FHIT: variants seen among roughly 807,000 people sequenced by gnomAD.
The protein encoded by FHIT is fragile histidine triad diadenosine triphosphatase, also known as bis(5'-adenosyl)-triphosphatase.
A neutral mutation model predicts 17.9 loss-of-function variants in FHIT; 19 were observed. The observed-to-expected ratio is 1.06, with a 90% CI of 0.74 to 1.56. The LOEUF is 1.56. Among genes scored for constraint, FHIT ranks in the 40% most tolerant of loss-of-function variants. FHIT has a pLI of 0.00. For missense variants in FHIT, 248 were observed against 189.2 expected, an observed-to-expected ratio of 1.31 and a Z score of -1.82; for synonymous variants, 81 against 69.7, an observed-to-expected ratio of 1.16 and a Z score of -0.81.
chr3:61,162,058 G>C (rs960522157), intron 2 of FHIT, among the ~76,000 whole-genome samples: 1 of 152,178 alleles, frequency 6.6e-6, no homozygotes, highest in African/African-American at 2.4e-5. Flanking sequence ...GTCAACGCTG[G>C]TTTAACATTT....
intron 2 of FHIT, among the ~76,000 whole-genome samples, chr3:61,183,962 A>G (rs1446533095): frequency 6.6e-6 from 1 of 151,956 alleles, no homozygotes; most frequent in African/African-American, 2.4e-5. Context: ...TCCATTTTGA[A>G]GCGCCCTCCA....
At chr3:60,758,835 T>C (rs943350762) in intron 4 of FHIT, among the ~76,000 whole-genome samples, 1 of 152,168 alleles carries the variant, frequency 6.6e-6, no homozygotes, top group African/African-American at 2.4e-5. Flanking sequence ...CTCAATGATA[T>C]CTTATGTGCT....
At chr3:60,702,860 T>C (rs1342605832) in intron 4 of FHIT, among the ~76,000 whole-genome samples, 1 of 152,204 alleles carries the variant, frequency 6.6e-6, no homozygotes, top group African/African-American at 2.4e-5. Flanking sequence ...TTTATAAATA[T>C]TCCTTATTGT....
intron 7 of FHIT, among the ~76,000 whole-genome samples, chr3:60,010,908 C>T (rs903337655): frequency 6.6e-6 from 1 of 151,768 alleles, no homozygotes; most frequent in African/African-American, 2.4e-5. Flanking sequence ...CACAGGAGAA[C>T]AGAAAGGAAG....
At chr3:60,245,341 C>A (rs1705337787) in intron 5 of FHIT, among the ~76,000 whole-genome samples, 1 of 151,964 alleles carries the variant, frequency 6.6e-6, no homozygotes, top group African/African-American at 2.4e-5. Flanking sequence ...TCAGAGGGCC[C>A]ATAGCATAAG....
intron 7 of FHIT, among the ~76,000 whole-genome samples, chr3:59,948,363 A>C (rs1326738287): frequency 7.2e-6 from 1 of 138,136 alleles, no homozygotes; most frequent in African/African-American, 2.8e-5. Context: ...AAAAAAAAAA[A>C]AAAATTAGCC....
chr3:60,845,097 G>A (rs1243428127), intron 3 of FHIT, among the ~76,000 whole-genome samples: 3 of 151,856 alleles, frequency 2.0e-5, no homozygotes, highest in African/African-American at 7.2e-5. Flanking sequence ...CTCCAAGCTT[G>A]GTTCTAACAA....
intron 4 of FHIT, among the ~76,000 whole-genome samples, chr3:60,565,555 G>T (rs944827684): frequency 6.6e-6 from 1 of 152,094 alleles, no homozygotes; most frequent in African/African-American, 2.4e-5. Context: ...AGGGAAATTA[G>T]TTACACAACA....
chr3:59,912,232 C>A (rs1282680852), intron 8 of FHIT, among the ~76,000 whole-genome samples: 2 of 152,192 alleles, frequency 1.3e-5, no homozygotes, highest in African/African-American at 2.4e-5. Flanking sequence ...TTGTTTCCAG[C>A]CTCTTTCAAG....
intron 5 of FHIT, among the ~76,000 whole-genome samples, chr3:60,253,161 C>G (rs1297315336): frequency 3.9e-5 from 6 of 152,252 alleles, no homozygotes; most frequent in Middle Eastern, 3.4e-3. Context: ...ATTCTACACT[C>G]CAGTGAGCAA....
intron 8 of FHIT, among the ~76,000 whole-genome samples, chr3:59,914,363 C>G (rs1050627389): frequency 1.8e-4 from 27 of 152,094 alleles, no homozygotes; most frequent in African/African-American, 6.0e-4. Flanking sequence ...AACACTCAAG[C>G]CGGGATTCTA....
chr3:60,621,951 T>C (rs1445082444), intron 4 of FHIT, among the ~76,000 whole-genome samples: 1 of 152,106 alleles, frequency 6.6e-6, no homozygotes, highest in Non-Finnish European at 1.5e-5. Context: ...ACAGCTAGTA[T>C]GCCAATGAGG....
At chr3:60,728,070 T>G (rs1423594620) in intron 4 of FHIT, among the ~76,000 whole-genome samples, 1 of 152,216 alleles carries the variant, frequency 6.6e-6, no homozygotes, top group Non-Finnish European at 1.5e-5. Flanking sequence ...AAAATGCCTA[T>G]TTTGATTTTC....
intron 3 of FHIT, among the ~76,000 whole-genome samples, chr3:61,021,598 CAAAAAAAAAAAA>C (rs34870709): frequency 1.6e-5 from 1 of 63,862 alleles, no homozygotes; most frequent in African/African-American, 6.9e-5. Context: ...GACTCCGTCT[CAAAAAAAAAAAA>C]AAAAAAAAAA....
chr3:60,511,745 G>C (rs1215487015), intron 5 of FHIT, among the ~76,000 whole-genome samples: 2 of 152,088 alleles, frequency 1.3e-5, no homozygotes, highest in Non-Finnish European at 2.9e-5. Context: ...CTATTTAAAT[G>C]AACCATATAG....
At chr3:60,684,835 G>T (rs971297558) in intron 4 of FHIT, among the ~76,000 whole-genome samples, 1 of 152,098 alleles carries the variant, frequency 6.6e-6, no homozygotes, top group Non-Finnish European at 1.5e-5. Flanking sequence ...AAATGCTAAA[G>T]ATTGAAGGAG....
chr3:60,074,049 G>C (rs1429312824), intron 5 of FHIT, among the ~76,000 whole-genome samples: 1 of 152,056 alleles, frequency 6.6e-6, no homozygotes, highest in Non-Finnish European at 1.5e-5. Context: ...AAAATGTCAT[G>C]TGCATTCCTG....
At chr3:59,882,975 C>T (rs779906817) in intron 8 of FHIT, among the ~76,000 whole-genome samples, 1 of 152,084 alleles carries the variant, frequency 6.6e-6, no homozygotes, top group Non-Finnish European at 1.5e-5. Context: ...TTGGCAGTGT[C>T]CTTACTAGGT....
intron 3 of FHIT, among the ~76,000 whole-genome samples, chr3:60,918,010 A>C (rs1020320388): frequency 2.0e-5 from 3 of 152,200 alleles, no homozygotes; most frequent in Non-Finnish European, 4.4e-5. Context: ...CACATGTCAA[A>C]GGCAGGGCTA....
Sources: allele counts gnomAD v4.1 joint callset (sites outside exome capture counted in the v4.1 genomes callset), GRCh38; gene constraint gnomAD v4.1.1; transcripts MANE v1.5; gene names NCBI Gene and HGNC (gene_info 2026-07-23, HGNC 2026-07-21).